NKAIN2: variants seen among roughly 807,000 people sequenced by gnomAD.
The protein encoded by NKAIN2 is sodium/potassium-transporting ATPase subunit beta-1-interacting protein 2.
Under a neutral mutation model 32.6 loss-of-function variants are expected in NKAIN2, and 14 were observed. That is an observed-to-expected ratio of 0.43 (90% CI 0.28 to 0.67). NKAIN2 has a LOEUF of 0.67. Among genes scored for constraint, NKAIN2 ranks in the 30% least tolerant of loss-of-function variants. The probability of loss-of-function intolerance (pLI) is 0.17; values close to 1 mark genes in which losing one functional copy is unlikely to be tolerated. For missense variants in NKAIN2, 198 were observed against 258.3 expected (o/e 0.77, Z 1.60); for synonymous variants, 80 against 87.2 (o/e 0.92, Z 0.46).
At chr6:124,682,913 G>A (rs1179193511) in intron 4 of NKAIN2, among the ~76,000 whole-genome samples, 2 of 152,100 alleles carry the variant, frequency 1.3e-5, no homozygotes, top group South Asian at 2.1e-4. Context: ...ATCAAACCAC[G>A]TCTGACGAGG....
chr6:124,358,690 A>G (rs1562512079), intron 3 of NKAIN2, among the ~76,000 whole-genome samples: 2 of 152,052 alleles, frequency 1.3e-5, no homozygotes, highest in Non-Finnish European at 2.9e-5. Flanking sequence ...TCAGATGAGT[A>G]GATTGCACAA....
chr6:123,986,210 A>T (rs1473160457), intron 1 of NKAIN2, among the ~76,000 whole-genome samples: 1 of 152,234 alleles, frequency 6.6e-6, no homozygotes, highest in Non-Finnish European at 1.5e-5. Flanking sequence ...GTAGCATTAT[A>T]TATTGAGCCA....
At chr6:124,734,058 A>G (rs1287025370) in intron 4 of NKAIN2, among the ~76,000 whole-genome samples, 1 of 48,048 alleles carries the variant, frequency 2.1e-5, no homozygotes, top group African/African-American at 7.0e-5. Flanking sequence ...AAAATGAGGA[A>G]ATGCACACAC....
At chr6:124,515,706 G>C (rs567432974) in intron 3 of NKAIN2, among the ~76,000 whole-genome samples, 1 of 3,646 alleles carries the variant, frequency 2.7e-4, no homozygotes, top group Non-Finnish European at 0.013. Flanking sequence ...ATTTTTCTTC[G>C]CTTTCTCTCC....
At chr6:124,001,827 A>G (rs979111096) in intron 1 of NKAIN2, among the ~76,000 whole-genome samples, 25 of 146,026 alleles carry the variant, frequency 1.7e-4, no homozygotes, top group Non-Finnish European at 3.3e-4. Context: ...ATATATATAT[A>G]TATATGCAAG....
At chr6:124,401,559 A>G (rs1773627535) in intron 3 of NKAIN2, among the ~76,000 whole-genome samples, 1 of 152,194 alleles carries the variant, frequency 6.6e-6, no homozygotes, top group African/African-American at 2.4e-5. Flanking sequence ...AAAGTTTACC[A>G]ACCTCTGCTC....
At chr6:123,996,033 A>G (rs1779608885) in intron 1 of NKAIN2, among the ~76,000 whole-genome samples, 1 of 152,138 alleles carries the variant, frequency 6.6e-6, no homozygotes, top group Non-Finnish European at 1.5e-5. Flanking sequence ...ATCCTCATGA[A>G]TCACAGTAAA....
intron 3 of NKAIN2, chr6:124,390,583 A>G (rs916006020): frequency 1.2e-4 from 19 of 152,172 alleles, no homozygotes; most frequent in African/African-American, 4.6e-4. Context: ...TTAGAGATAC[A>G]TGAACAGAGT....
At chr6:124,171,087 T>C (rs1405828105) in intron 1 of NKAIN2, among the ~76,000 whole-genome samples, 3 of 152,092 alleles carry the variant, frequency 2.0e-5, no homozygotes, top group Non-Finnish European at 4.4e-5. Flanking sequence ...TTAAAACAAA[T>C]AAAGTGAAGA....
At chr6:124,397,456 G>A (rs1773430156) in intron 3 of NKAIN2, among the ~76,000 whole-genome samples, 2 of 151,390 alleles carry the variant, frequency 1.3e-5, no homozygotes, top group Admixed American at 6.6e-5. Flanking sequence ...ACCTACCATT[G>A]GGCTGTTTTA....
At chr6:124,164,042 TA>T (rs1030827778) in intron 1 of NKAIN2, among the ~76,000 whole-genome samples, 14 of 152,034 alleles carry the variant, frequency 9.2e-5, no homozygotes, top group Non-Finnish European at 1.9e-4. Flanking sequence ...GTTTGCTTTT[TA>T]AAAAAAATTT....
At chr6:124,610,311 A>G (rs1008636759) in intron 3 of NKAIN2, among the ~76,000 whole-genome samples, 9 of 152,224 alleles carry the variant, frequency 5.9e-5, no homozygotes, top group Non-Finnish European at 7.3e-5. Flanking sequence ...TACTTAACAC[A>G]TAACCGTCAG....
chr6:124,658,054 A>G, intron 3 of NKAIN2, 132 bp from the exon 4 acceptor site: 1 of 643,850 alleles, frequency 1.6e-6, no homozygotes, highest in Non-Finnish European at 2.6e-6. Context: ...CCTGTAAAAT[A>G]CAGCATGGGG....
At chr6:124,722,299 A>G (rs1776062856) in intron 4 of NKAIN2, among the ~76,000 whole-genome samples, 1 of 152,204 alleles carries the variant, frequency 6.6e-6, no homozygotes, top group Non-Finnish European at 1.5e-5. Context: ...ATATCTCTCC[A>G]AGACTACTTT....
chr6:124,592,115 TTGA>T (rs1781933561), intron 3 of NKAIN2, among the ~76,000 whole-genome samples: 1 of 152,252 alleles, frequency 6.6e-6, no homozygotes, highest in East Asian at 1.9e-4. Context: ...CTCAACTATG[TTGA>T]TGATGAAGGG....
intron 1 of NKAIN2, among the ~76,000 whole-genome samples, chr6:124,234,114 T>G (rs1056139279): frequency 6.6e-6 from 1 of 152,130 alleles, no homozygotes; most frequent in African/African-American, 2.4e-5. Context: ...TGTTGTCTAG[T>G]TATTTACTCT....
intron 1 of NKAIN2, among the ~76,000 whole-genome samples, chr6:123,827,370 A>G (rs1298359231): frequency 6.6e-6 from 1 of 152,146 alleles, no homozygotes; most frequent in East Asian, 1.9e-4. Flanking sequence ...ACTCTGGAAT[A>G]ACTTTGCAGC....
At chr6:124,240,031 A>G (rs1056253368) in intron 1 of NKAIN2, among the ~76,000 whole-genome samples, 5 of 152,190 alleles carry the variant, frequency 3.3e-5, no homozygotes, top group Admixed American at 2.0e-4. Flanking sequence ...AAGAAGAATC[A>G]AATAGGCACA....
At chr6:124,659,139 A>C (rs371694000) in intron 4 of NKAIN2, among the ~76,000 whole-genome samples, 3 of 152,156 alleles carry the variant, frequency 2.0e-5, no homozygotes, top group Admixed American at 6.5e-5. Flanking sequence ...GAGATGTATA[A>C]AGTTAAGGCA....
Sources: allele counts gnomAD v4.1 joint callset (sites outside exome capture counted in the v4.1 genomes callset), GRCh38; gene constraint gnomAD v4.1.1; transcripts MANE v1.5; gene names NCBI Gene and HGNC (gene_info 2026-07-23, HGNC 2026-07-21).